The following RETSAT variants were observed in gnomAD, a reference collection of about 807,000 sequenced individuals.
The protein encoded by RETSAT is all-trans-retinol 13,14-reductase.
In RETSAT, 35 loss-of-function variants were observed where a neutral mutation model predicts 61.6. The ratio of observed to expected loss-of-function variants is 0.57; its 90% confidence interval spans 0.43 to 0.75. The LOEUF (loss-of-function observed/expected upper bound fraction) is 0.75, where lower values mean the gene tolerates loss of function less well. RETSAT is among the 30% of genes least tolerant of loss of function. RETSAT has a pLI of 0.00. For missense variants in RETSAT, 670 were observed against 759.5 expected (o/e 0.88, Z 1.38); for synonymous variants, 277 against 310.4 (o/e 0.89, Z 1.13).
rs984380221 is a variant in RETSAT at position 85,342,153 on chromosome 2, G to A, written c.*1089C>T. 3 of 239,484 alleles carry A rather than the reference G, an allele frequency of 1.3e-5. No individual in the cohort carries two copies. In the South Asian group the frequency reaches 2.2e-4, roughly 18 times the overall value. 14.8% of individuals were successfully genotyped at this position (239,484 alleles called of 1,614,324 possible). A position where few individuals can be genotyped will look rare whatever the true frequency, so the allele number is the denominator to read the frequency against. On this transcript the variant is annotated 3_prime_UTR_variant, in exon 11 of 11. Transcript: ENST00000295802. ...GTTACATTAACACGAACTACAAAGA[G>A]ACCTTTCGTATGTCTGATACCAAAG...
intron 5 of RETSAT, among the ~76,000 whole-genome samples, chr2:85,348,034 C>G (rs756756563): frequency 6.6e-6 from 1 of 152,126 alleles, no homozygotes; most frequent in Non-Finnish European, 1.5e-5. Context: ...CTTTAAGCAC[C>G]CATTAGTCAT....
At chr2:85,343,916 T>G (rs1436707768) in intron 9 of RETSAT, 83 bp downstream of exon 9, 2 of 1,588,464 alleles carry the variant, frequency 1.3e-6, no homozygotes, top group East Asian at 4.5e-5. Flanking sequence ...GCTCATGTCT[T>G]GGGGCCTGAT....
chr2:85,350,158 C>A lies in RETSAT; in HGVS notation c.681G>T (p.Leu227=), dbSNP rs777468595. The A allele has an allele frequency of 2.5e-6, 4 of 1,613,954 alleles. No homozygotes were observed. Among genetic ancestry groups the A allele is most frequent in the Non-Finnish European group, 1.7e-6 (2 of 1,180,000 alleles). ...GAAGGAATGGAGAGAAACGAGTCAG[C>A]AGCCCACACCTGTCGAGGAGCTGAA... The part of the protein sequence containing the change: ...PVVQLLDRCG[L]LTRFSPFLQA... The change falls in exon 4 of 11, where the codon CTG becomes CTT. Residue 227 remains leucine, a synonymous_variant. Coordinates refer to ENST00000295802, the MANE Select transcript of RETSAT (RefSeq NM_017750.4).
chr2:85,353,357 C>T (rs1016366060), intron 1 of RETSAT, among the ~76,000 whole-genome samples: 1 of 152,212 alleles, frequency 6.6e-6, no homozygotes, highest in Non-Finnish European at 1.5e-5. Flanking sequence ...TCACTTGAAC[C>T]CAGGAGGCGG....
chr2:85,345,759 C>T (rs1683186813), intron 6 of RETSAT: 6 of 695,388 alleles, frequency 8.6e-6, no homozygotes, highest in Non-Finnish European at 1.3e-5. Context: ...GCTGAGTGGC[C>T]TCAGGACTGT....
chr2:85,350,985 A>T lies in RETSAT; in HGVS notation c.392T>A (p.Ile131Asn), dbSNP rs371286603. Reference sequence around the variant, plus strand: ...GATCTGGTCCAAGATAAAACGGCCAATGCTGCCCTCTTCCATACGCCCAAT... The same window carrying T: ...GATCTGGTCCAAGATAAAACGGCCATTGCTGCCCTCTTCCATACGCCCAAT... Reference protein sequence around the residue: ...HYIGRMEEGSIGRFILDQITE... With the variant: ...HYIGRMEEGSNGRFILDQITE... Residue 131 changes from isoleucine to asparagine, a missense_variant, in exon 3 of 11, where the codon ATT becomes AAT. By Grantham distance (149) the Ile-to-Asn change is moderately radical (BLOSUM62 -3). Transcript: ENST00000295802. The T allele has an allele frequency of 3.1e-5, 50 of 1,614,082 alleles. No individual in the cohort carries two copies. Among genetic ancestry groups the T allele is most frequent in the African/African-American group, 5.3e-5 (4 of 74,922 alleles).
intron 5 of RETSAT, among the ~76,000 whole-genome samples, chr2:85,348,925 A>G (rs933684311): frequency 2.0e-5 from 3 of 151,056 alleles, no homozygotes; most frequent in African/African-American, 4.9e-5. Context: ...TAATTTTTGT[A>G]TTTTTAGTAG....
At position 85,350,930 on chromosome 2, in the gene RETSAT, CA is replaced by C. The variant is rs775037001; in HGVS notation, c.446del (p.Leu149ArgfsTer47). The C allele has an allele frequency of 6.2e-7, 1 of 1,614,164 alleles. No individual in the cohort carries two copies. Among genetic ancestry groups the C allele is most frequent in the Non-Finnish European group, 8.5e-7 (1 of 1,180,034 alleles). On this transcript the variant is annotated frameshift_variant, in exon 3 of 11. Coordinates refer to ENST00000295802, the MANE Select transcript of RETSAT (RefSeq NM_017750.4). LOFTEE classifies it high-confidence loss of function. ...ITEGQLDWAP[L>X]SSPFDIMVLE... The stretch of plus-strand genomic sequence containing the variant: ...GTACCATGATGTCAAAAGGAGAGGA[CA>C]GGGGAGCCCAGTCCAGCTGCCCTTC...
At chr2:85,351,901 G>A (rs201713796) in intron 1 of RETSAT, 39 bp from the exon 2 acceptor site, 14 of 1,592,374 alleles carry the variant, frequency 8.8e-6, no homozygotes, top group African/African-American at 5.4e-5. Context: ...TCTCAGGCAG[G>A]GGCAGGGAAA....
rs184992015 is a variant in RETSAT at position 85,344,247 on chromosome 2, C to T, written c.1358G>A (p.Arg453Gln). The T allele has an allele frequency of 2.1e-5, 34 of 1,614,046 alleles. No homozygotes were observed. Among genetic ancestry groups the T allele is most frequent in the East Asian group, 2.0e-4 (9 of 44,864 alleles). ...GGGACGTGCAGCCCCACCTGGGAAT[C>T]GGTCCTCCCAGGTCGGATCTTTGGC... ...PSAKDPTWED[R>Q]FPGRSTMIML... is the part of the protein sequence containing the mutation. The change falls in exon 8 of 11, where the codon CGA (arginine) becomes CAA (glutamine). Residue 453 changes from arginine to glutamine, a missense_variant. Transcript: ENST00000295802.
intron 2 of RETSAT, chr2:85,351,253 C>T (rs1395772719): frequency 2.3e-5 from 13 of 553,800 alleles, no homozygotes; most frequent in Non-Finnish European, 3.2e-5. Context: ...AGGCTGGGCA[C>T]GGTGGCTCAC....
In RETSAT at chr2:85,346,081, C is replaced by A. The variant is rs1159328390; in HGVS notation, c.1011G>T (p.Lys337Asn). Residue 337 changes from lysine (K) to asparagine (N), a missense_variant, in exon 6 of 11, where the codon AAG (lysine) becomes AAT (asparagine). By Grantham distance (94) the Lys-to-Asn change is moderately conservative. Transcript: ENST00000295802. ...SAGKACGVSV[K>N]KGHELVNIYC... is the part of the protein sequence containing the mutation. ...AGATGTTCACCAGCTCATGCCCCTT[C>A]TTCACACTGACACCTGCAGGCACAA... The A allele has an allele frequency of 1.2e-6, 2 of 1,611,974 alleles. No individual in the cohort carries two copies. The highest frequency in any genetic ancestry group is 1.7e-6 in the Non-Finnish European group (2 of 1,178,220).
Position 85,350,777 on chromosome 2 carries a change from T to C in RETSAT, c.597+3A>G. On this transcript the variant is annotated splice_donor_region_variant and intron_variant, in intron 3 of 10. Transcript: ENST00000295802. Reference sequence around the variant, plus strand: ...CTCTGGGTCCTCAGCATGTCCATGTTACCTTAACCAGCTTTATATACTTGT... The same window carrying C: ...CTCTGGGTCCTCAGCATGTCCATGTCACCTTAACCAGCTTTATATACTTGT... The C allele has an allele frequency of 6.2e-7, 1 of 1,614,210 alleles. No homozygotes were observed. Among genetic ancestry groups the C allele is most frequent in the Non-Finnish European group, 8.5e-7 (1 of 1,180,026 alleles).
chr2:85,346,163 T>A, intron 5 of RETSAT, 69 bp from the exon 6 acceptor site: 1 of 1,558,258 alleles, frequency 6.4e-7, no homozygotes, highest in Non-Finnish European at 8.7e-7. Context: ...ACGGCCCCCA[T>A]GGATCTCTCT....
rs1683105772 is a variant in RETSAT at position 85,342,501 on chromosome 2, G to A, written c.*741C>T. Reference sequence around the variant, plus strand: ...TGGATAAGGCTTGATTGAGGCTCAGGTACTGAGTCCCTGCTGGCACATTGA... The same window carrying A: ...TGGATAAGGCTTGATTGAGGCTCAGATACTGAGTCCCTGCTGGCACATTGA... On this transcript the variant is annotated 3_prime_UTR_variant, in exon 11 of 11. Transcript: ENST00000295802. 1 of 152,618 alleles carries A rather than the reference G, an allele frequency of 6.6e-6. No homozygotes were observed. Among genetic ancestry groups the A allele is most frequent in the Non-Finnish European group, 1.5e-5 (1 of 68,376 alleles). The allele number at this position is 152,618 out of a possible 1,614,324, so 9.5% of individuals were successfully genotyped here.
Position 85,344,113 on chromosome 2 carries a change from CT to C in RETSAT, c.1418del (p.Glu473GlyfsTer6). 5 of 1,614,172 alleles carry C rather than the reference CT, an allele frequency of 3.1e-6. No individual in the cohort carries two copies. The highest frequency in any genetic ancestry group is 4.2e-6 in the Non-Finnish European group (5 of 1,180,018). On this transcript the variant is annotated frameshift_variant, in exon 9 of 11. Transcript: ENST00000295802. LOFTEE classifies it high-confidence loss of function. ...LIPTAYEWFEEWQAELKGKRG... is the reference protein window; with the variant it reads ...LIPTAYEWFEXWQAELKGKRG... The stretch of plus-strand genomic sequence containing the variant: ...GCTTTCCCTTCAGCTCCGCCTGCCA[CT>C]CCTCAAACCACTCGTAGGCAGTGGG...
At chr2:85,348,940 G>A (rs1683252507) in intron 5 of RETSAT, among the ~76,000 whole-genome samples, 1 of 151,636 alleles carries the variant, frequency 6.6e-6, no homozygotes, top group African/African-American at 2.4e-5. Context: ...TAGTAGAGAC[G>A]GGGTTTCACC....
intron 6 of RETSAT, among the ~76,000 whole-genome samples, chr2:85,345,206 G>A (rs895596845): frequency 6.6e-6 from 1 of 152,188 alleles, no homozygotes; most frequent in Admixed American, 6.5e-5. Context: ...AGCCACGCAG[G>A]GTGAAGGAAG....
In RETSAT at chr2:85,344,221, C is replaced by G. The variant is rs375945047; in HGVS notation, c.1366+18G>C. ...CGGCCTCTCCCTCCACCCCCTCACC[C>G]GGGACGTGCAGCCCCACCTGGGAAT... On this transcript the variant is annotated intron_variant, in intron 8 of 10. Coordinates refer to ENST00000295802, the MANE Select transcript of RETSAT (RefSeq NM_017750.4). The G allele has an allele frequency of 6.2e-7, 1 of 1,614,136 alleles. No homozygotes were observed. The highest frequency in any genetic ancestry group is 1.3e-5 in the African/African-American group (1 of 75,048).
Sources: gnomAD v4.1 joint callset for allele counts (sites outside exome capture counted in the v4.1 genomes callset) on GRCh38, gnomAD v4.1.1 for gene constraint, MANE v1.5 for transcripts, NCBI Gene and HGNC (gene_info 2026-07-23, HGNC 2026-07-21) for gene names.